Variants in SLC51B observed in about 807,000 individuals in gnomAD.
SLC51B encodes organic solute transporter subunit beta.
Under a neutral mutation model 8.0 loss-of-function variants are expected in SLC51B, and 6 were observed. The observed-to-expected ratio is 0.75, with a 90% confidence interval of 0.41 to 1.48. The LOEUF (loss-of-function observed/expected upper bound fraction) is 1.48, where lower values mean the gene tolerates loss of function less well. Among genes scored for constraint, SLC51B ranks in the 40% most tolerant of loss-of-function variants. SLC51B has a pLI of 0.01. For synonymous variants in SLC51B, 61 were observed against 54.8 expected (o/e 1.11, Z -0.50); for missense variants, 150 against 149.7 (o/e 1.00, Z -0.01).
intron 1 of SLC51B, chr15:65,049,126 A>G (rs2140505046): frequency 6.6e-6 from 1 of 152,112 alleles, no homozygotes; most frequent in South Asian, 2.1e-4. Context: ...TGGATGCTAG[A>G]AAATTTTATA....
At position 65,053,144 on chromosome 15, in the gene SLC51B, G is replaced by C; in HGVS notation, c.367G>C (p.Val123Leu). The C allele has an allele frequency of 1.9e-6, 3 of 1,614,054 alleles. No individual in the cohort carries two copies. The African/African-American group carries it at 4.0e-5, about 22-fold the overall frequency. Residue 123 changes from valine (V) to leucine (L), a missense_variant, in exon 4 of 4, where the codon GTA (valine) becomes CTA (leucine). Val to Leu is a conservative substitution (Grantham distance 32). Transcript: ENST00000334287. The part of the protein sequence containing the change: ...RDVLSVFLPD[V>L]PETES Reference sequence around the variant, plus strand: ...TGTGCTGTCAGTTTTCCTTCCGGATGTACCAGAAACTGAGAGCTAGTGAGG... The same window carrying C: ...TGTGCTGTCAGTTTTCCTTCCGGATCTACCAGAAACTGAGAGCTAGTGAGG...
At chr15:65,045,860 G>A (rs548070935) in intron 1 of SLC51B, among the ~76,000 whole-genome samples, 103 of 152,334 alleles carry the variant, frequency 6.8e-4, no homozygotes, top group African/African-American at 2.5e-3. Context: ...AACTGGATAC[G>A]TGCTTTGATA....
chr15:65,051,096 G>A lies in SLC51B; in HGVS notation c.98-419G>A, dbSNP rs151094607. On this transcript the variant is annotated intron_variant, in intron 2 of 3. Transcript: ENST00000334287. ...CGACCTCAGGTGATCCACCTGACTCGGCTTCCCAAAGTGCTGGGATTATAG... is the reference window on the plus strand; with the variant it reads ...CGACCTCAGGTGATCCACCTGACTCAGCTTCCCAAAGTGCTGGGATTATAG... 6.9e-3 allele frequency among the ~76,000 whole-genome samples: 1,053 copies of A among 152,038 alleles called. 9 individuals are homozygous for A. Among genetic ancestry groups the A allele is most frequent in the African/African-American group, 0.024 (989 of 41,458 alleles).
At chr15:65,050,493 T>C (rs2086636005) in intron 2 of SLC51B, among the ~76,000 whole-genome samples, 2 of 152,178 alleles carry the variant, frequency 1.3e-5, no homozygotes, top group South Asian at 4.1e-4. Context: ...AAAGAAAAAT[T>C]AAACAGAGAA....
intron 1 of SLC51B, among the ~76,000 whole-genome samples, chr15:65,048,426 G>C (rs1207677292): frequency 9.9e-5 from 15 of 152,106 alleles, no homozygotes; most frequent in Non-Finnish European, 2.9e-5. Flanking sequence ...TTTTCTGTCT[G>C]GCTGTTTGCC....
At chr15:65,046,989 G>A (rs1006798198) in intron 1 of SLC51B, among the ~76,000 whole-genome samples, 1 of 152,138 alleles carries the variant, frequency 6.6e-6, no homozygotes, top group African/African-American at 2.4e-5. Flanking sequence ...GATCTGATTA[G>A]TTCCATTAAT....
In SLC51B at chr15:65,050,081, G is replaced by T; in HGVS notation, c.77G>T (p.Trp26Leu). The change falls in exon 2 of 4, where the codon TGG becomes TTG. Residue 26 changes from tryptophan to leucine, a missense_variant. Coordinates refer to ENST00000334287, the MANE Select transcript of SLC51B (RefSeq NM_178859.4). ...VPQELLEEML[W>L]FFRVEDASPW... ...CAGGAGCTGCTGGAAGAGATGCTTT[G>T]GTTTTTTCGTGTGGAAGATGGTAAG... The T allele has an allele frequency of 6.4e-7, 1 of 1,551,636 alleles. No individual in the cohort carries two copies. The highest frequency in any genetic ancestry group is 1.2e-5 in the South Asian group (1 of 84,036).
chr15:65,048,796 G>A (rs1374479036), intron 1 of SLC51B, among the ~76,000 whole-genome samples: 1 of 152,118 alleles, frequency 6.6e-6, no homozygotes. Flanking sequence ...ATCACCTGAG[G>A]TCAAGAGTTC....
Position 65,046,774 on chromosome 15 carries a change from G to T in SLC51B, c.-109+1192G>T, listed in dbSNP as rs1227657000. Among the ~76,000 whole-genome samples the T allele has an allele frequency of 3.9e-5, 6 of 152,016 alleles. No homozygotes were observed. In the East Asian group the frequency reaches 9.7e-4, roughly 25 times the overall value. ...CAAAAAATACAAAAATTAGCCGGGC[G>T]TGGTGGCACATGCCTGTTGTACCAG... On this transcript the variant is annotated intron_variant, in intron 1 of 3. Transcript: ENST00000334287.
At position 65,051,510 on chromosome 15, in the gene SLC51B, C is replaced by G. The variant is rs376773798; in HGVS notation, c.98-5C>G. ...CAGGGCTCTGTCCTGTGTGTCCTTCCCCAGCATCTCCCTGGAATCATTCCA... is the reference window on the plus strand; with the variant it reads ...CAGGGCTCTGTCCTGTGTGTCCTTCGCCAGCATCTCCCTGGAATCATTCCA... On this transcript the variant is annotated splice_polypyrimidine_tract_variant and splice_region_variant and intron_variant, in intron 2 of 3. Coordinates refer to ENST00000334287, the MANE Select transcript of SLC51B (RefSeq NM_178859.4). The G allele has an allele frequency of 5.0e-5, 81 of 1,613,158 alleles. No individual in the cohort carries two copies. The Middle Eastern group carries it at 6.6e-4, about 13-fold the overall frequency.
intron 3 of SLC51B, among the ~76,000 whole-genome samples, chr15:65,052,470 G>A (rs1374356978): frequency 7.0e-6 from 1 of 143,546 alleles, no homozygotes; most frequent in Non-Finnish European, 1.5e-5. Context: ...GCACAATCTC[G>A]GCTCACTGCA....
intron 1 of SLC51B, among the ~76,000 whole-genome samples, chr15:65,048,463 C>T (rs1418405899): frequency 3.9e-5 from 6 of 152,176 alleles, no homozygotes; most frequent in Admixed American, 3.3e-4. Context: ...ATGCCCCTGG[C>T]TAAGTGTCCA....
Position 65,053,277 on chromosome 15 carries a change from T to G in SLC51B, c.*113T>G. ...TCCCAAGAAGCCGCTTTTTTCTTTT[T>G]CTTTCTTTCTTTTTTTTTTTCTTAG... On this transcript the variant is annotated 3_prime_UTR_variant, in exon 4 of 4. Transcript: ENST00000334287. 6.9e-7 allele frequency: 1 copy of G among 1,443,968 alleles called. No individual in the cohort carries two copies. The allele number at this position is 1,443,968 out of a possible 1,614,324, so 89.4% of individuals were successfully genotyped here.
chr15:65,049,337 A>G (rs947660929), intron 1 of SLC51B: 11 of 146,332 alleles, frequency 7.5e-5, no homozygotes, highest in East Asian at 2.0e-4. Flanking sequence ...CAAAAAAAAA[A>G]GAAAAAGAAA....
chr15:65,046,098 C>T (rs1414274072), intron 1 of SLC51B, among the ~76,000 whole-genome samples: 10 of 74 alleles, frequency 0.14, no homozygotes, highest in East Asian at 0.5. Context: ...TCAGGAGTTC[C>T]GAGACCAGCC....
intron 3 of SLC51B, among the ~76,000 whole-genome samples, chr15:65,052,281 G>A (rs2086663225): frequency 6.6e-6 from 1 of 152,076 alleles, no homozygotes. Flanking sequence ...GTGGTGACAA[G>A]GACCTACGCT....
intron 2 of SLC51B, among the ~76,000 whole-genome samples, chr15:65,050,961 C>T (rs1053045439): frequency 6.6e-6 from 1 of 150,708 alleles, no homozygotes; most frequent in Non-Finnish European, 1.5e-5. Context: ...TCTCATGCCT[C>T]AGTCTCCTGA....
intron 3 of SLC51B, 96 bp from the exon 4 acceptor site, chr15:65,052,870 A>G (rs1052956726): frequency 8.8e-7 from 1 of 1,133,230 alleles, no homozygotes; most frequent in East Asian, 2.4e-5. Context: ...AACTGCATAG[A>G]GAATTTTCCC....
At chr15:65,050,830 C>CTTTTTTTTTTTTTTTTTTTTTTTT (rs1206139825) in intron 2 of SLC51B, among the ~76,000 whole-genome samples, 12 of 48,534 alleles carry the variant, frequency 2.5e-4, no homozygotes, top group African/African-American at 6.4e-4. Flanking sequence ...CTTTCTTCTT[C>CTTTTTTTTTTTTTTTTTTTTTTTT]TTCTTCTTTT....
Sources: allele counts gnomAD v4.1 joint callset (sites outside exome capture counted in the v4.1 genomes callset), GRCh38; gene constraint gnomAD v4.1.1; transcripts MANE v1.5; gene names NCBI Gene and HGNC (gene_info 2026-07-23, HGNC 2026-07-21).